Variants in UIMC1 observed in about 807,000 individuals in gnomAD.
The protein encoded by UIMC1 is BRCA1-A complex subunit RAP80.
A neutral mutation model predicts 84.9 loss-of-function variants in UIMC1; 42 were observed. The observed-to-expected ratio is 0.49, with a 90% CI of 0.39 to 0.64. The LOEUF (loss-of-function observed/expected upper bound fraction) is 0.64, where lower values mean the gene tolerates loss of function less well. UIMC1 is among the 30% of genes least tolerant of loss of function. The pLI is 0.00. For missense variants in UIMC1, 825 were observed against 847.6 expected, an observed-to-expected ratio of 0.97 and a Z score of 0.33; for synonymous variants, 281 against 293.0, an observed-to-expected ratio of 0.96 and a Z score of 0.42.
intron 1 of UIMC1, among the ~76,000 whole-genome samples, chr5:177,017,915 G>A (rs1300655714): frequency 6.6e-6 from 1 of 151,836 alleles, no homozygotes; most frequent in African/African-American, 2.4e-5. Flanking sequence ...GCCTTCCAAA[G>A]TGCTGGGATT....
intron 1 of UIMC1, among the ~76,000 whole-genome samples, chr5:176,983,718 T>C (rs1771407496): frequency 6.6e-6 from 1 of 151,994 alleles, no homozygotes; most frequent in South Asian, 2.1e-4. Context: ...GAGGAGCCCC[T>C]CTGCCCGGCC....
intron 7 of UIMC1, among the ~76,000 whole-genome samples, chr5:176,956,575 CTCTTT>C (rs1766628013): frequency 6.6e-6 from 1 of 152,154 alleles, no homozygotes. Context: ...TAAATTGAAT[CTCTTT>C]TCTAACAAAA....
chr5:176,981,287 G>C (rs1771010153), intron 2 of UIMC1, among the ~76,000 whole-genome samples: 1 of 151,724 alleles, frequency 6.6e-6, no homozygotes, highest in Non-Finnish European at 1.5e-5. Flanking sequence ...TGGGACTACA[G>C]GCACGTGCCA....
intron 1 of UIMC1, among the ~76,000 whole-genome samples, chr5:176,984,912 T>C (rs1447331130): frequency 1.3e-5 from 2 of 152,066 alleles, no homozygotes; most frequent in East Asian, 1.9e-4. Flanking sequence ...TTAAGAGTCA[T>C]CACCACTCCC....
chr5:176,916,479 C>T (rs886892705), intron 10 of UIMC1, among the ~76,000 whole-genome samples: 1 of 152,178 alleles, frequency 6.6e-6, no homozygotes, highest in Non-Finnish European at 1.5e-5. Flanking sequence ...TAGAGTTGGA[C>T]AACAGGTGTC....
At chr5:177,016,136 G>T (rs546576193) in intron 1 of UIMC1, among the ~76,000 whole-genome samples, 2 of 151,806 alleles carry the variant, frequency 1.3e-5, no homozygotes, top group South Asian at 2.1e-4. Flanking sequence ...AGGCCAAGGT[G>T]GGGGGATCAC....
chr5:177,019,304 G>A (rs908489515), intron 1 of UIMC1, among the ~76,000 whole-genome samples: 3 of 152,058 alleles, frequency 2.0e-5, no homozygotes, highest in Non-Finnish European at 4.4e-5. Flanking sequence ...ACCACCCTGA[G>A]GATTAAATGC....
chr5:176,938,867 TTA>T (rs1213935087), intron 10 of UIMC1, among the ~76,000 whole-genome samples: 2 of 152,188 alleles, frequency 1.3e-5, no homozygotes, highest in Non-Finnish European at 2.9e-5. Flanking sequence ...GGGGAAATGC[TTA>T]TTTCACCATT....
intron 10 of UIMC1, among the ~76,000 whole-genome samples, chr5:176,937,819 C>A (rs1763894756): frequency 6.6e-6 from 1 of 152,158 alleles, no homozygotes; most frequent in Admixed American, 6.5e-5. Context: ...ATACTTAATA[C>A]TGGGAGGTTA....
At chr5:176,929,484 G>A (rs565583708) in intron 10 of UIMC1, among the ~76,000 whole-genome samples, 42 of 146,752 alleles carry the variant, frequency 2.9e-4, no homozygotes, top group Non-Finnish European at 4.8e-4. Context: ...GGAGTATGGC[G>A]TGAACTCGGG....
chr5:176,927,206 G>GAAAAA (rs1220549611), intron 10 of UIMC1, among the ~76,000 whole-genome samples: 2 of 44,628 alleles, frequency 4.5e-5, no homozygotes, highest in African/African-American at 9.9e-5. Flanking sequence ...CTTTAAAAAA[G>GAAAAA]AAAAAAAAAA....
intron 10 of UIMC1, among the ~76,000 whole-genome samples, chr5:176,940,119 G>C (rs1240103593): frequency 6.6e-6 from 1 of 152,166 alleles, no homozygotes; most frequent in African/African-American, 2.4e-5. Flanking sequence ...GCATAAGTCT[G>C]AAAATTGGTT....
chr5:176,964,553 T>C (rs1768006388), intron 6 of UIMC1, among the ~76,000 whole-genome samples: 1 of 152,138 alleles, frequency 6.6e-6, no homozygotes, highest in African/African-American at 2.4e-5. Context: ...GTTTAAAATA[T>C]TATGGTAAAT....
At chr5:176,972,672 G>A (rs565757367) in intron 3 of UIMC1, among the ~76,000 whole-genome samples, 43 of 152,152 alleles carry the variant, frequency 2.8e-4, no homozygotes, top group African/African-American at 7.9e-4. Context: ...GGAGGCGGAG[G>A]TTGCAGCGAG....
intron 1 of UIMC1, among the ~76,000 whole-genome samples, chr5:177,000,914 C>T (rs1417175327): frequency 1.3e-5 from 2 of 151,900 alleles, no homozygotes; most frequent in African/African-American, 2.4e-5. Flanking sequence ...GTTATTAATC[C>T]TTTGTCAGAT....
At chr5:176,919,591 C>T (rs574918625) in intron 10 of UIMC1, among the ~76,000 whole-genome samples, 1 of 152,098 alleles carries the variant, frequency 6.6e-6, no homozygotes, top group South Asian at 2.1e-4. Flanking sequence ...GTAGATGGGA[C>T]TTACCAGTGT....
intron 10 of UIMC1, among the ~76,000 whole-genome samples, chr5:176,924,314 G>C (rs1451190282): frequency 1.4e-5 from 2 of 145,980 alleles, no homozygotes; most frequent in African/African-American, 5.3e-5. Context: ...GTGAGAATTC[G>C]TCTCAAAAAA....
intron 6 of UIMC1, among the ~76,000 whole-genome samples, chr5:176,967,900 C>CT (rs199515378): frequency 8.4e-6 from 1 of 119,056 alleles, no homozygotes; most frequent in South Asian, 2.5e-4. Context: ...GAGACCTTGT[C>CT]TTTAAAAAAA....
rs1335032216 is a variant in UIMC1 at position 176,982,546 on chromosome 5, T to C, written c.70A>G (p.Thr24Ala). 6.2e-7 allele frequency: 1 copy of C among 1,614,104 alleles called. No individual in the cohort carries two copies. The highest frequency in any genetic ancestry group is 1.1e-5 in the South Asian group (1 of 91,080). The change falls in exon 2 of 15, where the codon ACT becomes GCT. Residue 24 changes from threonine (T) to alanine (A), a missense_variant. Coordinates refer to ENST00000511320, the MANE Select transcript of UIMC1 (RefSeq NM_001199298.2). The stretch of plus-strand genomic sequence containing the variant: ...CTCTTCACACTGACAGAACTGGTAG[T>C]TTCCACATCCTTCTTCTCCAGGTTC... ...SRNLEKKDVE[T>A]TSSVSVKRKR...
Sources: gnomAD v4.1 joint callset for allele counts (sites outside exome capture counted in the v4.1 genomes callset) on GRCh38, gnomAD v4.1.1 for gene constraint, MANE v1.5 for transcripts, NCBI Gene and HGNC (gene_info 2026-07-23, HGNC 2026-07-21) for gene names.